The following SCGN variants were observed in gnomAD, a reference collection of about 807,000 sequenced individuals.
SCGN encodes the protein secretagogin.
Under a neutral mutation model 39.7 loss-of-function variants are expected in SCGN, and 30 were observed. The observed-to-expected ratio is 0.76, with a 90% CI of 0.57 to 1.03. The LOEUF (loss-of-function observed/expected upper bound fraction) is 1.03, where lower values mean the gene tolerates loss of function less well. SCGN is among the 50% of genes least tolerant of loss of function. The probability of loss-of-function intolerance (pLI) is 0.00; values close to 1 mark genes in which losing one functional copy is unlikely to be tolerated. For missense variants in SCGN, 353 were observed against 349.4 expected (o/e 1.01, Z -0.08); for synonymous variants, 106 against 114.1 (o/e 0.93, Z 0.45).
intron 2 of SCGN, among the ~76,000 whole-genome samples, chr6:25,656,161 T>C (rs1375158378): frequency 6.6e-6 from 1 of 152,206 alleles, no homozygotes; most frequent in Non-Finnish European, 1.5e-5. Flanking sequence ...GGCCCTTCAG[T>C]TGAGGAACAG....
intron 6 of SCGN, among the ~76,000 whole-genome samples, chr6:25,679,939 C>G (rs1325316057): frequency 6.6e-6 from 1 of 152,126 alleles, no homozygotes; most frequent in Admixed American, 6.5e-5. Context: ...GAGCTAAGAG[C>G]CTGGTTTTAT....
Position 25,678,680 on chromosome 6 carries a change from G to T in SCGN, c.472-3271G>T, listed in dbSNP as rs187846636. ...ACCTCAACCCACCACCCAGGAAGTA[G>T]GTAGGCTGGAAGTAAATTGGAAAAG... On this transcript the variant is annotated intron_variant, in intron 6 of 10. Transcript: ENST00000377961. 7 of 152,478 alleles carry T rather than the reference G, an allele frequency of 4.6e-5. No homozygotes were observed. The East Asian group carries it at 1.4e-3, about 30-fold the overall frequency. The allele number at this position is 152,478 out of a possible 1,614,324, so 9.4% of individuals were successfully genotyped here.
intron 1 of SCGN, 21 bp from the exon 2 acceptor site, chr6:25,653,361 T>A (rs752317379): frequency 2.7e-6 from 4 of 1,493,142 alleles, no homozygotes; most frequent in Non-Finnish European, 2.8e-6. Flanking sequence ...GTATTATTTA[T>A]GTTTATTTTC....
intron 6 of SCGN, 49 bp from the exon 7 acceptor site, chr6:25,681,902 A>G: frequency 6.7e-7 from 1 of 1,483,170 alleles, no homozygotes; most frequent in Non-Finnish European, 9.4e-7. Flanking sequence ...AATAACGTTC[A>G]GAATTAGTTC....
In SCGN at chr6:25,678,804, G is replaced by T. The variant is rs557826542; in HGVS notation, c.472-3147G>T. 21 of 153,722 alleles carry T rather than the reference G, an allele frequency of 1.4e-4. No homozygotes were observed. The South Asian group carries it at 3.8e-3, about 28-fold the overall frequency. The allele number at this position is 153,722 out of a possible 1,614,324, so 9.5% of individuals were successfully genotyped here. The stretch of plus-strand genomic sequence containing the variant: ...CTGTTGCTGCTATTGTGTCTCAGTG[G>T]TTGCCTTGCTCACTAGGTCCTTGGC... On this transcript the variant is annotated intron_variant, in intron 6 of 10. Coordinates refer to ENST00000377961, the MANE Select transcript of SCGN (RefSeq NM_006998.4).
intron 10 of SCGN, among the ~76,000 whole-genome samples, chr6:25,695,978 A>G (rs761957661): frequency 3.3e-5 from 5 of 152,210 alleles, no homozygotes; most frequent in Non-Finnish European, 7.4e-5. Flanking sequence ...TCGGAAGCCA[A>G]ATACATTGGC....
At chr6:25,686,435 T>C (rs1248141396) in intron 7 of SCGN, among the ~76,000 whole-genome samples, 2 of 152,226 alleles carry the variant, frequency 1.3e-5, no homozygotes, top group African/African-American at 4.8e-5. Context: ...TGAAGTAGTA[T>C]GTCATTGTGA....
At chr6:25,669,677 C>A in intron 5 of SCGN, 110 bp downstream of exon 5, 1 of 888,506 alleles carries the variant, frequency 1.1e-6, no homozygotes, top group South Asian at 1.4e-5. Flanking sequence ...GAATATGTGA[C>A]TCAAAAAATA....
At chr6:25,661,783 GGC>G (rs1760342515) in intron 3 of SCGN, 139 bp downstream of exon 3, 1 of 586,402 alleles carries the variant, frequency 1.7e-6, no homozygotes, top group African/African-American at 1.9e-5. Flanking sequence ...ATTTCTGAAA[GGC>G]AGTTGGCCTA....
At chr6:25,692,572 C>A (rs1759786224) in intron 10 of SCGN, among the ~76,000 whole-genome samples, 2 of 152,192 alleles carry the variant, frequency 1.3e-5, no homozygotes, top group Non-Finnish European at 2.9e-5. Flanking sequence ...AATCAACCTC[C>A]CTTCTTCTTT....
intron 10 of SCGN, among the ~76,000 whole-genome samples, chr6:25,695,426 C>G (rs1759826151): frequency 6.6e-6 from 1 of 152,180 alleles, no homozygotes; most frequent in East Asian, 1.9e-4. Context: ...GTTTTGTTTT[C>G]TTTTATGTCA....
intron 6 of SCGN, among the ~76,000 whole-genome samples, chr6:25,676,092 A>T (rs937531861): frequency 1.4e-4 from 22 of 152,186 alleles, no homozygotes; most frequent in Admixed American, 1.3e-3. Flanking sequence ...ACCATCTTTG[A>T]TGCCTCTTTC....
At chr6:25,655,627 C>T (rs1044467102) in intron 2 of SCGN, among the ~76,000 whole-genome samples, 3 of 152,080 alleles carry the variant, frequency 2.0e-5, no homozygotes, top group Admixed American at 1.3e-4. Context: ...TAATCCTTAA[C>T]CTAGTGCAAA....
At position 25,669,408 on chromosome 6, in the gene SCGN, A is replaced by C. The variant is rs2064127; in HGVS notation, c.337-103A>C. 5.9e-5 allele frequency: 59 copies of C among 1,007,718 alleles called. No individual in the cohort carries two copies. In the African/African-American group the frequency reaches 8.2e-4, roughly 14 times the overall value. The allele number at this position is 1,007,718 out of a possible 1,614,324, so 62.4% of individuals were successfully genotyped here. ...AGTTTCCATCAAAAGTGGAATTTCCATTCAGTTAAGTACTGTTTTCAGATG... is the reference window on the plus strand; with the variant it reads ...AGTTTCCATCAAAAGTGGAATTTCCCTTCAGTTAAGTACTGTTTTCAGATG... On this transcript the variant is annotated intron_variant, in intron 4 of 10. Transcript: ENST00000377961.
intron 7 of SCGN, among the ~76,000 whole-genome samples, chr6:25,684,215 G>A (rs1371322125): frequency 6.6e-6 from 1 of 152,196 alleles, no homozygotes; most frequent in Non-Finnish European, 1.5e-5. Context: ...TTGGTGGAGT[G>A]TTGTGTACTT....
intron 4 of SCGN, among the ~76,000 whole-genome samples, chr6:25,669,264 G>A (rs1300718556): frequency 6.6e-6 from 1 of 152,040 alleles, no homozygotes; most frequent in Non-Finnish European, 1.5e-5. Flanking sequence ...TTTGATGAAA[G>A]CCCACTCAAT....
intron 10 of SCGN, among the ~76,000 whole-genome samples, chr6:25,695,871 A>G (rs921344026): frequency 6.6e-6 from 1 of 152,192 alleles, no homozygotes; most frequent in Non-Finnish European, 1.5e-5. Context: ...TCAGAGCAGC[A>G]TAAAAATCAA....
chr6:25,680,795 G>A (rs959604935), intron 6 of SCGN, among the ~76,000 whole-genome samples: 2 of 152,180 alleles, frequency 1.3e-5, no homozygotes, highest in African/African-American at 4.8e-5. Context: ...TGTAACCTGT[G>A]TTTTAATTCT....
chr6:25,663,558 T>C (rs1251616272), intron 3 of SCGN, among the ~76,000 whole-genome samples: 1 of 152,226 alleles, frequency 6.6e-6, no homozygotes, highest in Non-Finnish European at 1.5e-5. Context: ...AGGATATCAA[T>C]ATTATTATCT....
Sources: allele counts gnomAD v4.1 joint callset (sites outside exome capture counted in the v4.1 genomes callset), GRCh38; gene constraint gnomAD v4.1.1; transcripts MANE v1.5; gene names NCBI Gene and HGNC (gene_info 2026-07-23, HGNC 2026-07-21).